The following KIF13B variants were observed in gnomAD, a reference collection of about 807,000 sequenced individuals.
KIF13B encodes the protein kinesin family member 13B.
In KIF13B, 127 loss-of-function variants were observed where a neutral mutation model predicts 222.0. The observed-to-expected ratio is 0.57, with a 90% CI of 0.50 to 0.66. KIF13B has a LOEUF of 0.66. Ranked by LOEUF, KIF13B falls within the 30% of genes least tolerant of loss-of-function variation. KIF13B has a pLI of 0.00. For synonymous variants in KIF13B, 976 were observed against 919.0 expected (o/e 1.06, Z -1.12); for missense variants, 2,173 against 2,379.0 (o/e 0.91, Z 1.80).
intron 14 of KIF13B, among the ~76,000 whole-genome samples, chr8:29,152,008 T>C (rs1268938946): frequency 6.6e-6 from 1 of 152,182 alleles, no homozygotes; most frequent in Non-Finnish European, 1.5e-5. Flanking sequence ...AGTAAAAATA[T>C]CAACATTAAC....
intron 2 of KIF13B, among the ~76,000 whole-genome samples, chr8:29,238,655 T>C (rs1815621170): frequency 6.6e-6 from 1 of 152,198 alleles, no homozygotes; most frequent in African/African-American, 2.4e-5. Context: ...CATATTTTAC[T>C]GTAAAACAAG....
rs1375117499 is a variant in KIF13B, at chr8:29,096,994, A to C, written c.4324+2139T>G. 4.6e-5 allele frequency among the ~76,000 whole-genome samples: 7 copies of C among 152,244 alleles called. No homozygotes were observed. The East Asian group carries it at 1.4e-3, about 29-fold the overall frequency. The stretch of plus-strand genomic sequence containing the variant: ...ATGGGAGGCAATGGAAGGGTTCGTG[A>C]AGCATGCCGATTGAAGGGCAGGAAC... On this transcript the variant is annotated intron_variant, in intron 36 of 39. Transcript: ENST00000524189.
chr8:29,202,553 G>A (rs1416318559), intron 2 of KIF13B, among the ~76,000 whole-genome samples: 1 of 152,138 alleles, frequency 6.6e-6, no homozygotes, highest in Admixed American at 6.5e-5. Context: ...CAGACCTCAG[G>A]TGATCTGCCT....
At chr8:29,095,537 CG>C (rs1808482889) in intron 36 of KIF13B, among the ~76,000 whole-genome samples, 1 of 152,256 alleles carries the variant, frequency 6.6e-6, no homozygotes, top group South Asian at 2.1e-4. Flanking sequence ...GAGGCCGAGG[CG>C]GGTGGATCAC....
At chr8:29,093,091 T>A (rs1211379369) in intron 36 of KIF13B, among the ~76,000 whole-genome samples, 1 of 152,140 alleles carries the variant, frequency 6.6e-6, no homozygotes. Flanking sequence ...GTAACTGGGG[T>A]GCTGCCAAAA....
At chr8:29,155,022 AG>A (rs1330366472) in intron 14 of KIF13B, among the ~76,000 whole-genome samples, 4 of 152,224 alleles carry the variant, frequency 2.6e-5, no homozygotes. Context: ...ACTCTGTAAC[AG>A]GGGATAACAG....
chr8:29,133,323 T>C (rs764517618), intron 22 of KIF13B, among the ~76,000 whole-genome samples: 4 of 152,204 alleles, frequency 2.6e-5, no homozygotes, highest in Non-Finnish European at 5.9e-5. Context: ...GTGTGGTGGC[T>C]CATGCCTGTA....
chr8:29,247,235 A>C (rs1816066339), intron 1 of KIF13B, among the ~76,000 whole-genome samples: 1 of 152,006 alleles, frequency 6.6e-6, no homozygotes, highest in Non-Finnish European at 1.5e-5. Context: ...AAAACAACAA[A>C]AAAGTAGCCA....
chr8:29,071,671 C>A lies in KIF13B; in HGVS notation c.5167G>T (p.Ala1723Ser), dbSNP rs917366507. Residue 1723 changes from alanine (A) to serine (S), a missense_variant, in exon 39 of 40, where the codon GCC (alanine) becomes TCC (serine). Ala to Ser is a moderately conservative substitution (Grantham distance 99). Coordinates refer to ENST00000524189, the MANE Select transcript of KIF13B (RefSeq NM_015254.4). The surrounding 1 kb of genome is among the most constrained non-coding windows in gnomAD (Gnocchi z 4.9). ...KTGVVRYVGP[A>S]DFQEGTWVGV... The stretch of plus-strand genomic sequence containing the variant: ...ACCCACGTGCCCTCTTGGAAGTCGG[C>A]AGGCCCCACGTATCTCACCACGCCC... The A allele has an allele frequency of 2.6e-5, 40 of 1,555,026 alleles. No homozygotes were observed. The highest frequency in any genetic ancestry group is 3.4e-5 in the Non-Finnish European group (39 of 1,149,748).
intron 36 of KIF13B, 110 bp from the exon 37 acceptor site, chr8:29,092,988 G>T: frequency 1.0e-6 from 1 of 991,172 alleles, no homozygotes. Flanking sequence ...AAAACCAAAG[G>T]TATCCTTAAA....
chr8:29,115,315 A>T (rs1809541278), intron 31 of KIF13B, among the ~76,000 whole-genome samples: 1 of 114,244 alleles, frequency 8.8e-6, no homozygotes, highest in African/African-American at 2.9e-5. Context: ...CAAAACCAGT[A>T]AAAAAAAAGA....
chr8:29,092,258 TGGGTAAAGA>T, intron 37 of KIF13B, among the ~76,000 whole-genome samples: 1 of 152,334 alleles, frequency 6.6e-6, no homozygotes, highest in East Asian at 1.9e-4. Flanking sequence ...ACCCTAGAGC[TGGGTAAAGA>T]GTTTTAAGAG....
intron 14 of KIF13B, among the ~76,000 whole-genome samples, chr8:29,153,213 C>T (rs1054513346): frequency 6.6e-6 from 1 of 152,248 alleles, no homozygotes; most frequent in South Asian, 2.1e-4. Context: ...AAAGAGGGAA[C>T]CATTACAGCC....
intron 29 of KIF13B, among the ~76,000 whole-genome samples, chr8:29,119,558 A>T (rs1329277851): frequency 3.3e-5 from 5 of 152,168 alleles, no homozygotes; most frequent in Admixed American, 1.3e-4. Context: ...TACCATGCTG[A>T]CCAAAGTCCT....
At chr8:29,160,955 C>A in intron 12 of KIF13B, 88 bp from the exon 13 acceptor site, 1 of 1,114,350 alleles carries the variant, frequency 9.0e-7, no homozygotes, top group South Asian at 1.5e-5. Flanking sequence ...TACAATTATT[C>A]AATAGTGTTG....
At chr8:29,166,249 C>T (rs1010393831) in intron 11 of KIF13B, among the ~76,000 whole-genome samples, 11 of 152,134 alleles carry the variant, frequency 7.2e-5, no homozygotes, top group African/African-American at 2.7e-4. Flanking sequence ...CCTATAAAAA[C>T]AGGATAAAAT....
intron 35 of KIF13B, among the ~76,000 whole-genome samples, chr8:29,105,232 A>T (rs1808997681): frequency 6.6e-6 from 1 of 151,902 alleles, no homozygotes; most frequent in African/African-American, 2.4e-5. Context: ...GGACCTCCCA[A>T]ACTACTGAGA....
chr8:29,091,664 C>T (rs1007082813), intron 37 of KIF13B, among the ~76,000 whole-genome samples: 5 of 152,186 alleles, frequency 3.3e-5, no homozygotes, highest in African/African-American at 1.2e-4. Flanking sequence ...TAATGACCCA[C>T]TGGTTCAGTT....
chr8:29,237,444 T>C (rs1815563294), intron 2 of KIF13B, among the ~76,000 whole-genome samples: 1 of 152,096 alleles, frequency 6.6e-6, no homozygotes, highest in Admixed American at 6.6e-5. Context: ...ACTAACTTAA[T>C]CTAGAGCTGG....
Sources: gnomAD v4.1 joint callset for allele counts (sites outside exome capture counted in the v4.1 genomes callset) on GRCh38, gnomAD v4.1.1 for gene constraint, Gnocchi (gnomAD v3.1) non-coding constraint, MANE v1.5 for transcripts, NCBI Gene and HGNC (gene_info 2026-07-23, HGNC 2026-07-21) for gene names.